Variants in CTNND2 observed in about 807,000 individuals in gnomAD.
CTNND2 encodes the protein catenin delta 2, also known as catenin delta-2.
In CTNND2, 22 loss-of-function variants were observed where a neutral mutation model predicts 144.4. That is an observed-to-expected ratio of 0.15 (90% CI 0.11 to 0.22). CTNND2 has a LOEUF of 0.22. Among genes scored for constraint, CTNND2 ranks in the 10% least tolerant of loss-of-function variants. CTNND2 has a pLI of 1.00. For missense variants in CTNND2, 1,353 were observed against 1,618.8 expected (o/e 0.84, Z 2.82); for synonymous variants, 751 against 695.6 (o/e 1.08, Z -1.25).
chr5:11,145,254 C>T (rs925285059), intron 12 of CTNND2, among the ~76,000 whole-genome samples: 1 of 151,658 alleles, frequency 6.6e-6, no homozygotes, highest in Non-Finnish European at 1.5e-5. Context: ...TCATCTAAAT[C>T]AAAGCAAAAA....
At chr5:11,162,309 A>C (rs1340956339) in intron 11 of CTNND2, among the ~76,000 whole-genome samples, 2 of 152,210 alleles carry the variant, frequency 1.3e-5, no homozygotes, top group Non-Finnish European at 2.9e-5. Context: ...AAAGGGAGGA[A>C]GGAAATCAAA....
In CTNND2 at chr5:11,301,815, T is replaced by A. The variant is rs184893007; in HGVS notation, c.1628+44557A>T. On this transcript the variant is annotated intron_variant, in intron 9 of 21. Transcript: ENST00000304623. ...TGTTCTTTTTTGCCCCCTCCCACCCTGGGGGAAAAATAGATTCAAATTTTT... is the reference window on the plus strand; with the variant it reads ...TGTTCTTTTTTGCCCCCTCCCACCCAGGGGGAAAAATAGATTCAAATTTTT... Among the ~76,000 whole-genome samples the A allele has an allele frequency of 4.6e-5, 7 of 152,256 alleles. No homozygotes were observed. The East Asian group carries it at 1.4e-3, about 29-fold the overall frequency.
At chr5:11,323,231 T>TGGG (rs374479685) in intron 9 of CTNND2, among the ~76,000 whole-genome samples, 1,693 of 121,310 alleles carry the variant, frequency 0.014, 27 homozygotes, top group Non-Finnish European at 0.023. Flanking sequence ...ATTTAGAGAT[T>TGGG]GGGGGGGGGG....
intron 20 of CTNND2, among the ~76,000 whole-genome samples, chr5:10,984,786 A>C (rs1464942850): frequency 2.6e-5 from 4 of 152,250 alleles, no homozygotes; most frequent in African/African-American, 9.6e-5. Context: ...TTTCAAAGGC[A>C]TAAGAGGCCG....
intron 3 of CTNND2, among the ~76,000 whole-genome samples, chr5:11,490,469 A>C (rs1309703064): frequency 5.3e-5 from 8 of 152,220 alleles, no homozygotes; most frequent in Non-Finnish European, 1.2e-4. Context: ...TAGGCACTAA[A>C]TAAAAGATCT....
At chr5:11,350,507 C>T (rs1278641945) in intron 8 of CTNND2, among the ~76,000 whole-genome samples, 1 of 151,948 alleles carries the variant, frequency 6.6e-6, no homozygotes, top group Non-Finnish European at 1.5e-5. Context: ...TTAAAAAAAT[C>T]ACAATCATGT....
intron 1 of CTNND2, among the ~76,000 whole-genome samples, chr5:11,819,302 C>G (rs1466852996): frequency 1.3e-5 from 2 of 151,790 alleles, no homozygotes; most frequent in Admixed American, 6.6e-5. Context: ...GGAGTGGTGG[C>G]GGGAGCCTGT....
intron 1 of CTNND2, among the ~76,000 whole-genome samples, chr5:11,770,176 C>CG (rs1395783461): frequency 1.3e-5 from 2 of 152,082 alleles, no homozygotes; most frequent in African/African-American, 4.8e-5. Flanking sequence ...GGAGACCTCA[C>CG]GGGCATCACA....
intron 7 of CTNND2, among the ~76,000 whole-genome samples, chr5:11,366,773 C>T (rs541730672): frequency 2.0e-5 from 3 of 152,012 alleles, no homozygotes; most frequent in African/African-American, 7.2e-5. Context: ...ATCACTATTC[C>T]TTTATTCTAA....
At chr5:11,236,297 A>G (rs921189428) in intron 10 of CTNND2, among the ~76,000 whole-genome samples, 2 of 152,252 alleles carry the variant, frequency 1.3e-5, no homozygotes, top group African/African-American at 4.8e-5. Flanking sequence ...CATAGCTTAT[A>G]CTGACTATAA....
chr5:11,423,413 T>C (rs10513091), intron 3 of CTNND2, among the ~76,000 whole-genome samples: 22,100 of 152,236 alleles, frequency 0.15, 1,723 homozygotes, highest in African/African-American at 0.19. Context: ...CCTAGTTTGT[T>C]TGCCGATAGA....
At chr5:11,724,333 T>C (rs1315907059) in intron 2 of CTNND2, among the ~76,000 whole-genome samples, 2 of 152,124 alleles carry the variant, frequency 1.3e-5, no homozygotes, top group East Asian at 1.9e-4. Flanking sequence ...GTTTTCAATA[T>C]GAGCAGAGCT....
chr5:11,145,372 A>G (rs1757145083), intron 12 of CTNND2, among the ~76,000 whole-genome samples: 1 of 152,002 alleles, frequency 6.6e-6, no homozygotes, highest in Non-Finnish European at 1.5e-5. Context: ...TGACTGGCCA[A>G]TCCCTCTTTA....
intron 1 of CTNND2, among the ~76,000 whole-genome samples, chr5:11,785,444 T>G (rs1380486077): frequency 1.3e-5 from 2 of 152,212 alleles, no homozygotes; most frequent in Non-Finnish European, 2.9e-5. Flanking sequence ...ATATAAAATG[T>G]TATTTTTTAA....
At chr5:11,490,490 C>T (rs1325025009) in intron 3 of CTNND2, among the ~76,000 whole-genome samples, 2 of 152,248 alleles carry the variant, frequency 1.3e-5, no homozygotes, top group African/African-American at 2.4e-5. Flanking sequence ...AAAAGATCCA[C>T]AAAATGCCAG....
chr5:11,767,266 T>A (rs1561778446), intron 1 of CTNND2, among the ~76,000 whole-genome samples: 1 of 152,232 alleles, frequency 6.6e-6, no homozygotes, highest in Non-Finnish European at 1.5e-5. Flanking sequence ...CCATCAGTGC[T>A]TCAATAGTGT....
intron 1 of CTNND2, among the ~76,000 whole-genome samples, chr5:11,767,530 T>C (rs925242038): frequency 7.9e-5 from 12 of 152,226 alleles, no homozygotes; most frequent in Admixed American, 7.8e-4. Flanking sequence ...AAGAATTATA[T>C]TCCCTTTGAC....
chr5:10,997,980 T>C (rs954768759), intron 18 of CTNND2, among the ~76,000 whole-genome samples: 2 of 152,220 alleles, frequency 1.3e-5, no homozygotes, highest in Non-Finnish European at 2.9e-5. Flanking sequence ...ATTGGAGATA[T>C]GTGTTGCTCA....
chr5:11,769,711 C>T (rs1163085332), intron 1 of CTNND2, among the ~76,000 whole-genome samples: 2 of 152,172 alleles, frequency 1.3e-5, no homozygotes, highest in Admixed American at 6.5e-5. Flanking sequence ...TTAACACACA[C>T]ATAAAATATA....
Sources: gnomAD v4.1 joint callset for allele counts (sites outside exome capture counted in the v4.1 genomes callset) on GRCh38, gnomAD v4.1.1 for gene constraint, MANE v1.5 for transcripts, NCBI Gene and HGNC (gene_info 2026-07-23, HGNC 2026-07-21) for gene names.